PARD3B: variants seen among roughly 807,000 people sequenced by gnomAD.
The protein encoded by PARD3B is partitioning defective 3 homolog B.
A neutral mutation model predicts 130.2 loss-of-function variants in PARD3B; 103 were observed. The ratio of observed to expected loss-of-function variants is 0.79; its 90% CI spans 0.67 to 0.93. PARD3B has a LOEUF of 0.93. Ranked by LOEUF, PARD3B falls within the 40% of genes least tolerant of loss-of-function variation. The pLI is 0.00. For synonymous variants in PARD3B, 583 were observed against 553.2 expected (o/e 1.05, Z -0.76); for missense variants, 1,609 against 1,499.2 (o/e 1.07, Z -1.21).
At chr2:204,763,858 G>C (rs560825122) in intron 2 of PARD3B, among the ~76,000 whole-genome samples, 94 of 152,286 alleles carry the variant, frequency 6.2e-4, no homozygotes, top group African/African-American at 2.1e-3. Context: ...TATGATTGTT[G>C]ATTAGACCAA....
chr2:204,685,297 C>T lies in PARD3B; in HGVS notation c.121-884C>T, dbSNP rs78280641. 8.1e-4 allele frequency among the ~76,000 whole-genome samples: 124 copies of T among 152,198 alleles called. 1 individual carries two copies. Among genetic ancestry groups the T allele is most frequent in the African/African-American group, 2.9e-3 (120 of 41,520 alleles). Reference sequence around the variant, plus strand: ...ACTTTGAGGGGCTTTCTAAGACTCACAGAACCAAATTGATTATAGCTTGGG... The same window carrying T: ...ACTTTGAGGGGCTTTCTAAGACTCATAGAACCAAATTGATTATAGCTTGGG... On this transcript the variant is annotated intron_variant, in intron 1 of 22. Coordinates refer to ENST00000406610, the MANE Select transcript of PARD3B (RefSeq NM_001302769.2).
At chr2:205,226,922 A>G (rs1447705009) in intron 15 of PARD3B, among the ~76,000 whole-genome samples, 2 of 152,064 alleles carry the variant, frequency 1.3e-5, no homozygotes, top group Non-Finnish European at 2.9e-5. Context: ...ATTCTTTCTT[A>G]ATTGATCCAC....
intron 15 of PARD3B, among the ~76,000 whole-genome samples, chr2:205,221,861 T>C (rs4675507): frequency 0.57 from 86,082 of 151,842 alleles, 24,604 homozygotes; most frequent in Admixed American, 0.66. Context: ...CAACTTATTA[T>C]AACTCTTATT....
intron 21 of PARD3B, among the ~76,000 whole-genome samples, chr2:205,548,075 T>C (rs577200924): frequency 4.1e-4 from 62 of 152,340 alleles, no homozygotes; most frequent in African/African-American, 1.5e-3. Context: ...GGTTTTCTTC[T>C]GAACCAACTA....
Position 205,158,939 on chromosome 2 carries a change from A to T in PARD3B, c.1620+32A>T. 1.2e-6 allele frequency: 2 copies of T among 1,606,760 alleles called. No individual in the cohort carries two copies. Among genetic ancestry groups the T allele is most frequent in the Non-Finnish European group, 1.7e-6 (2 of 1,175,144 alleles). On this transcript the variant is annotated intron_variant, in intron 11 of 22. Coordinates refer to ENST00000406610, the MANE Select transcript of PARD3B (RefSeq NM_001302769.2). This position sits in a 1 kb window ranked among gnomAD's most constrained non-coding sequence, Gnocchi z 5.4. ...AGGAATGACATTTGTACATCCTTTG[A>T]GAAGGCACTTGGAGATGTGACTGTT...
At chr2:205,242,696 T>C (rs2039402697) in intron 15 of PARD3B, among the ~76,000 whole-genome samples, 1 of 152,308 alleles carries the variant, frequency 6.6e-6, no homozygotes, top group Middle Eastern at 3.4e-3. Context: ...CCCACAACCG[T>C]CATCAAATAC....
chr2:204,721,537 TTAGATA>T (rs1327451390), intron 2 of PARD3B, among the ~76,000 whole-genome samples: 1 of 152,198 alleles, frequency 6.6e-6, no homozygotes, highest in African/African-American at 2.4e-5. Flanking sequence ...TATCTTTAAA[TTAGATA>T]TAGATTAAGA....
Position 205,268,239 on chromosome 2 carries a change from G to A in PARD3B, c.2185+22417G>A, listed in dbSNP as rs535653701. On this transcript the variant is annotated intron_variant, in intron 16 of 22. Coordinates refer to ENST00000406610, the MANE Select transcript of PARD3B (RefSeq NM_001302769.2). The surrounding 1 kb of genome is among the most constrained non-coding windows in gnomAD (Gnocchi z 4.1). ...TAAATTAGCAGTTTTGCATCACGAT[G>A]TCTTGTGACATACATGCATTAGTGA... Among the ~76,000 whole-genome samples, 74 of 152,366 alleles carry A rather than the reference G, an allele frequency of 4.9e-4. No homozygotes were observed. The highest frequency in any genetic ancestry group is 1.7e-3 in the African/African-American group (71 of 41,590).
chr2:205,598,783 A>C (rs529812333), intron 22 of PARD3B, among the ~76,000 whole-genome samples: 195 of 152,326 alleles, frequency 1.3e-3, no homozygotes, highest in Non-Finnish European at 2.0e-3. Flanking sequence ...ACCACACTGC[A>C]ATAAAAACAG....
At chr2:205,226,743 G>A (rs2038572963) in intron 15 of PARD3B, among the ~76,000 whole-genome samples, 4 of 152,156 alleles carry the variant, frequency 2.6e-5, no homozygotes, top group Admixed American at 2.6e-4. Flanking sequence ...CCAGGATCAT[G>A]CTGTTCTGAT....
intron 2 of PARD3B, among the ~76,000 whole-genome samples, chr2:204,875,085 T>C (rs2045784174): frequency 6.6e-6 from 1 of 152,298 alleles, no homozygotes; most frequent in Non-Finnish European, 1.5e-5. Context: ...AATCAAGGTT[T>C]TCAACAATTT....
At chr2:204,553,651 C>CATATATATATATATAT (rs55744172) in intron 1 of PARD3B, among the ~76,000 whole-genome samples, 1 of 83,424 alleles carries the variant, frequency 1.2e-5, no homozygotes, top group Non-Finnish European at 2.1e-5. Context: ...TATATATATC[C>CATATATATATATATAT]ATATATATAT....
Position 205,590,678 on chromosome 2 carries a change from G to A in PARD3B, c.3261-24778G>A, listed in dbSNP as rs11675753. On this transcript the variant is annotated intron_variant, in intron 22 of 22. Transcript: ENST00000406610. This position sits in a 1 kb window ranked among gnomAD's most constrained non-coding sequence, Gnocchi z 4.1. Reference sequence around the variant, plus strand: ...TAGGACAGATGCTAGACTGGCAAAAGCAGCAACTTTCTTCCACTGTCTCAA... The same window carrying A: ...TAGGACAGATGCTAGACTGGCAAAAACAGCAACTTTCTTCCACTGTCTCAA... Among the ~76,000 whole-genome samples, 88,654 of 151,878 alleles carry A rather than the reference G, an allele frequency of 0.58. 26,439 individuals carry two copies. Among genetic ancestry groups the A allele is most frequent in the East Asian group, 0.81 (4,150 of 5,132 alleles).
At chr2:205,308,191 G>C (rs1447720197) in intron 18 of PARD3B, among the ~76,000 whole-genome samples, 1 of 151,984 alleles carries the variant, frequency 6.6e-6, no homozygotes, top group Admixed American at 6.6e-5. Context: ...GCCCTATTTT[G>C]TATCAGGCAC....
At chr2:205,171,295 T>G (rs1176483319) in intron 11 of PARD3B, among the ~76,000 whole-genome samples, 1 of 152,176 alleles carries the variant, frequency 6.6e-6, no homozygotes, top group Admixed American at 6.5e-5. Flanking sequence ...TTCAAGCATC[T>G]TTGCTCCTGG....
At chr2:204,563,110 A>C (rs1160759916) in intron 1 of PARD3B, among the ~76,000 whole-genome samples, 1 of 152,130 alleles carries the variant, frequency 6.6e-6, no homozygotes, top group Non-Finnish European at 1.5e-5. Context: ...ACCTCTAGAG[A>C]AGGATTCTTT....
chr2:204,762,514 T>G (rs926702154), intron 2 of PARD3B, among the ~76,000 whole-genome samples: 1 of 152,170 alleles, frequency 6.6e-6, no homozygotes, highest in African/African-American at 2.4e-5. Context: ...AAATTTAAAT[T>G]TAAGCCTTGA....
intron 10 of PARD3B, among the ~76,000 whole-genome samples, chr2:205,157,329 A>G (rs1406298628): frequency 6.6e-6 from 1 of 152,214 alleles, no homozygotes; most frequent in East Asian, 1.9e-4. Flanking sequence ...TTAGGTAATA[A>G]TATAATGAGT....
chr2:204,649,466 T>C (rs2035404266), intron 1 of PARD3B, among the ~76,000 whole-genome samples: 1 of 152,058 alleles, frequency 6.6e-6, no homozygotes, highest in African/African-American at 2.4e-5. Flanking sequence ...AGGAGTTTCC[T>C]TACATTTTTA....
Sources: gnomAD v4.1 joint callset for allele counts (sites outside exome capture counted in the v4.1 genomes callset) on GRCh38, gnomAD v4.1.1 for gene constraint, Gnocchi (gnomAD v3.1) non-coding constraint, MANE v1.5 for transcripts, NCBI Gene and HGNC (gene_info 2026-07-23, HGNC 2026-07-21) for gene names.